The following POTEM variants were observed in gnomAD, a reference collection of about 807,000 sequenced individuals.
POTEM encodes putative POTE ankyrin domain family member M.
For synonymous variants in POTEM, 8 were observed against 113.2 expected, an observed-to-expected ratio of 0.07 and a Z score of 5.90; for missense variants, 24 against 343.0, an observed-to-expected ratio of 0.07 and a Z score of 7.35.
In POTEM at chr14:18,999,469, C is replaced by G. The variant is rs1891343958; in HGVS notation, c.*804C>G. On this transcript the variant is annotated 3_prime_UTR_variant, in exon 11 of 11. Coordinates refer to ENST00000547889, the MANE Select transcript of POTEM (RefSeq NM_001145442.1). The stretch of plus-strand genomic sequence containing the variant: ...CTCACCGAGCGTGGCTATAGTTTCA[C>G]CACCATGGCCGAGCAGGAAATCGTG... Among the ~76,000 whole-genome samples the G allele has an allele frequency of 9.3e-6, 1 of 107,068 alleles. No homozygotes were observed. Among genetic ancestry groups the G allele is most frequent in the Middle Eastern group, 4.6e-3 (1 of 216 alleles). The allele number at this position is 107,068 out of a possible 152,430, so 70.2% of individuals were successfully genotyped here.
At position 18,993,178 on chromosome 14, in the gene POTEM, G is replaced by A. The variant is rs570350756; in HGVS notation, c.1410-3863G>A. 1.2e-3 allele frequency among the ~76,000 whole-genome samples: 81 copies of A among 69,208 alleles called. 8 individuals carry two copies. Among genetic ancestry groups the A allele is most frequent in the Admixed American group, 8.6e-3 (61 of 7,076 alleles). 45.4% of individuals were successfully genotyped at this position (69,208 alleles called of 152,430 possible). A position where few individuals can be genotyped will look rare whatever the true frequency, so the allele number is the denominator to read the frequency against. On this transcript the variant is annotated intron_variant, in intron 9 of 10. Coordinates refer to ENST00000547889, the MANE Select transcript of POTEM (RefSeq NM_001145442.1). Reference sequence around the variant, plus strand: ...TCACAAAGTGCTGGGTGGATTACAGGCGTAAGCCACCATGTCCGGCCACTA... The same window carrying A: ...TCACAAAGTGCTGGGTGGATTACAGACGTAAGCCACCATGTCCGGCCACTA...
At chr14:18,996,186 A>C (rs1891296157) in intron 9 of POTEM, among the ~76,000 whole-genome samples, 1 of 151,626 alleles carries the variant, frequency 6.6e-6, no homozygotes, top group Non-Finnish European at 1.5e-5. Flanking sequence ...AATAAAAGTA[A>C]AATGGAAAGT....
intron 6 of POTEM, chr14:18,980,886 T>C (rs1891063931): frequency 1.4e-5 from 2 of 142,514 alleles, no homozygotes; most frequent in Non-Finnish European, 3.1e-5. Context: ...AGATGTGTTC[T>C]TCTACCTGCT....
In POTEM at chr14:19,003,641, A is replaced by T. The variant is rs1594282020; in HGVS notation, c.*4976A>T. Among the ~76,000 whole-genome samples, 1 of 104,926 alleles carries T rather than the reference A, an allele frequency of 9.5e-6. No individual in the cohort carries two copies. Among genetic ancestry groups the T allele is most frequent in the Non-Finnish European group, 2.0e-5 (1 of 50,062 alleles). 68.8% of individuals were successfully genotyped at this position (104,926 alleles called of 152,430 possible). A position where few individuals can be genotyped will look rare whatever the true frequency, so the allele number is the denominator to read the frequency against. ...GATGTAAGGTTGATTTTGCTGTACA[A>T]CTCCTTTTCTGAAGTTTTACTCATT... On this transcript the variant is annotated 3_prime_UTR_variant, in exon 11 of 11. Transcript: ENST00000547889.
intron 9 of POTEM, chr14:18,992,504 ATCT>A (rs1339902769): frequency 4.4e-6 from 1 of 227,302 alleles, no homozygotes; most frequent in Admixed American, 4.9e-5. Context: ...ATTTTGCCTT[ATCT>A]GTCTGTTGTT....
In POTEM at chr14:18,999,540, C is replaced by G. The variant is rs1891345789; in HGVS notation, c.*875C>G. ...GTGCTATGTTGCCCTGGACTTCGAG[C>G]AGGAGATGGCCACAGCGGCCTCCAG... is the stretch of plus-strand genomic sequence containing the variant. On this transcript the variant is annotated 3_prime_UTR_variant, in exon 11 of 11. Coordinates refer to ENST00000547889, the MANE Select transcript of POTEM (RefSeq NM_001145442.1). 1.0e-5 allele frequency among the ~76,000 whole-genome samples: 1 copy of G among 99,968 alleles called. No individual in the cohort carries two copies. The highest frequency in any genetic ancestry group is 1.0e-4 in the Admixed American group (1 of 9,544). 65.6% of individuals were successfully genotyped at this position (99,968 alleles called of 152,430 possible). A position where few individuals can be genotyped will look rare whatever the true frequency, so the allele number is the denominator to read the frequency against.
chr14:18,986,422 C>CTA (rs1891184331), intron 7 of POTEM, among the ~76,000 whole-genome samples: 1 of 135,460 alleles, frequency 7.4e-6, no homozygotes, highest in South Asian at 2.4e-4. Context: ...ACCCAACTGC[C>CTA]TATTAAAGGA....
At chr14:18,991,075 G>C (rs1448233704) in intron 9 of POTEM, among the ~76,000 whole-genome samples, 1 of 121,362 alleles carries the variant, frequency 8.2e-6, no homozygotes, top group African/African-American at 2.8e-5. Context: ...GTAGTGACAG[G>C]GTTTCCCCAT....
intron 1 of POTEM, among the ~76,000 whole-genome samples, chr14:18,969,353 A>ATATATATACATG (rs1890852318): frequency 9.9e-6 from 1 of 100,944 alleles, no homozygotes; most frequent in Non-Finnish European, 1.8e-5. Flanking sequence ...ATATATATAC[A>ATATATATACATG]TGTGTATATA....
chr14:18,985,937 A>G (rs1891173191), intron 7 of POTEM, among the ~76,000 whole-genome samples: 1 of 122,658 alleles, frequency 8.2e-6, no homozygotes, highest in Non-Finnish European at 1.7e-5. Flanking sequence ...AAATATTTTA[A>G]TAGATTCTTA....
At chr14:18,974,742 C>CT (rs112378752) in intron 3 of POTEM, 20,619 of 180,388 alleles carry the variant, frequency 0.11, 175 homozygotes, top group Non-Finnish European at 0.13. Flanking sequence ...ATTAATCTGA[C>CT]TTTTTTTTTT....
chr14:18,968,510 A>T (rs1445767851), intron 1 of POTEM, among the ~76,000 whole-genome samples: 2 of 151,924 alleles, frequency 1.3e-5, no homozygotes, highest in African/African-American at 4.8e-5. Flanking sequence ...GAATAGGAAG[A>T]TTGAATTTTC....
chr14:18,991,259 T>C, intron 9 of POTEM, among the ~76,000 whole-genome samples: 1 of 96,170 alleles, frequency 1.0e-5, no homozygotes, highest in African/African-American at 3.2e-5. Context: ...CACTCCTTAA[T>C]TCCAGATCTC....
intron 9 of POTEM, among the ~76,000 whole-genome samples, chr14:18,996,489 C>T (rs1462174242): frequency 1.1e-4 from 14 of 129,592 alleles, no homozygotes; most frequent in African/African-American, 4.1e-4. Flanking sequence ...TGTTTGCAGC[C>T]ACTCTCTGTC....
Position 18,999,464 on chromosome 14 carries a change from T to A in POTEM, c.*799T>A, listed in dbSNP as rs78285901. On this transcript the variant is annotated 3_prime_UTR_variant, in exon 11 of 11. Coordinates refer to ENST00000547889, the MANE Select transcript of POTEM (RefSeq NM_001145442.1). Reference sequence around the variant, plus strand: ...AGATCCTCACCGAGCGTGGCTATAGTTTCACCACCATGGCCGAGCAGGAAA... The same window carrying A: ...AGATCCTCACCGAGCGTGGCTATAGATTCACCACCATGGCCGAGCAGGAAA... Among the ~76,000 whole-genome samples, 6 of 105,058 alleles carry A rather than the reference T, an allele frequency of 5.7e-5. 2 individuals carry two copies. The highest frequency in any genetic ancestry group is 1.9e-4 in the African/African-American group (6 of 31,216). The allele number at this position is 105,058 out of a possible 152,430, so 68.9% of individuals were successfully genotyped here. A position where few individuals can be genotyped will look rare whatever the true frequency, so the allele number is the denominator to read the frequency against.
At chr14:18,977,230 T>C (rs80332819) in intron 4 of POTEM, 586 of 563,032 alleles carry the variant, frequency 1.0e-3, no homozygotes, top group Middle Eastern at 2.4e-3. Flanking sequence ...TTTAAATTAG[T>C]AGCTTCTGCT....
chr14:18,982,784 A>T (rs1594276102), intron 6 of POTEM, among the ~76,000 whole-genome samples: 3 of 48,098 alleles, frequency 6.2e-5, no homozygotes, highest in Non-Finnish European at 9.8e-5. Flanking sequence ...TGCTTTTTTC[A>T]TTTGTTTAGC....
In POTEM at chr14:18,997,129, CAGAT is replaced by C. The variant is rs1327927566; in HGVS notation, c.1502_1505del (p.Ile501LysfsTer451). ...TGAGATTCTGATTCATGAAGAAAAG[CAGAT>C]AGAAGTGGCTGAAAATGAATTCTGA... On this transcript the variant is annotated frameshift_variant, in exon 10 of 11. Coordinates refer to ENST00000547889, the MANE Select transcript of POTEM (RefSeq NM_001145442.1). LOFTEE classifies it high-confidence loss of function. 11 of 703,088 alleles carry C rather than the reference CAGAT, an allele frequency of 1.6e-5. No homozygotes were observed. Among genetic ancestry groups the C allele is most frequent in the African/African-American group, 1.1e-4 (6 of 53,352 alleles). 43.6% of individuals were successfully genotyped at this position (703,088 alleles called of 1,614,324 possible).
rs1275214379 is a variant in POTEM, at chr14:18,993,143, C to T, written c.1410-3898C>T. 8.7e-5 allele frequency among the ~76,000 whole-genome samples: 6 copies of T among 68,964 alleles called. 2 individuals are homozygous for T. The highest frequency in any genetic ancestry group is 1.7e-4 in the Non-Finnish European group (6 of 34,776). 45.2% of individuals were successfully genotyped at this position (68,964 alleles called of 152,430 possible). On this transcript the variant is annotated intron_variant, in intron 9 of 10. Transcript: ENST00000547889. ...AACTCCTGACCTCAGGCAATCCACC[C>T]GCCTTATCCTCACAAAGTGCTGGGT...
Sources: allele counts gnomAD v4.1 joint callset (sites outside exome capture counted in the v4.1 genomes callset), GRCh38; gene constraint gnomAD v4.1.1; transcripts MANE v1.5; gene names NCBI Gene and HGNC (gene_info 2026-07-23, HGNC 2026-07-21).